The following LIPE variants were observed in gnomAD, a reference collection of about 807,000 sequenced individuals.
LIPE encodes the protein hormone-sensitive lipase.
LIPE carries 66 observed loss-of-function variants against 88.5 expected under a neutral mutation model. The ratio of observed to expected loss-of-function variants is 0.75; its 90% CI spans 0.61 to 0.91. The LOEUF (loss-of-function observed/expected upper bound fraction) is 0.91, where lower values mean the gene tolerates loss of function less well. Ranked by LOEUF, LIPE falls within the 40% of genes least tolerant of loss-of-function variation. The pLI, the probability that LIPE is intolerant of heterozygous loss-of-function variation, is 0.00. For synonymous variants in LIPE, 570 were observed against 617.5 expected (o/e 0.92, Z 1.14); for missense variants, 1,346 against 1,434.7 (o/e 0.94, Z 1.00).
At position 42,405,485 on chromosome 19, in the gene LIPE, G is replaced by A. The variant is rs2040139845; in HGVS notation, c.2442C>T (p.Ala814=). The change falls in exon 8 of 10, where the codon GCC becomes GCT. Residue 814 remains alanine, a synonymous_variant. Transcript: ENST00000244289. ...GMMGLVRRDT[A]LLLRDFRLGA... ...CCAGGCGGAAGTCTCGGAGGAGCAG[G>A]GCTGTGTCCCGCCGCACCAGCCCCA... 1 of 1,614,120 alleles carries A rather than the reference G, an allele frequency of 6.2e-7. No individual in the cohort carries two copies. Among genetic ancestry groups the A allele is most frequent in the Non-Finnish European group, 8.5e-7 (1 of 1,180,004 alleles).
intron 7 of LIPE, chr19:42,405,825 T>C: frequency 1.8e-6 from 1 of 547,178 alleles, no homozygotes. Flanking sequence ...GTGGTAGTGG[T>C]GGTGCACGCC....
intron 8 of LIPE, among the ~76,000 whole-genome samples, chr19:42,404,210 A>T (rs1600105672): frequency 6.7e-6 from 1 of 150,270 alleles, no homozygotes; most frequent in Non-Finnish European, 1.5e-5. Flanking sequence ...GATTACAGGC[A>T]TGCCACCATG....
At position 42,402,599 on chromosome 19, in the gene LIPE, T is replaced by A; in HGVS notation, c.2967+8A>T. ...AATGCACCTGTACCGGCCCCCTCTGTCGCTCACCACGATGTGCACAGGTGG... is the reference window on the plus strand; with the variant it reads ...AATGCACCTGTACCGGCCCCCTCTGACGCTCACCACGATGTGCACAGGTGG... On this transcript the variant is annotated splice_region_variant and intron_variant, in intron 9 of 9. Transcript: ENST00000244289. 6.8e-7 allele frequency: 1 copy of A among 1,478,062 alleles called. No homozygotes were observed. The highest frequency in any genetic ancestry group is 1.5e-5 in the South Asian group (1 of 67,596). 91.6% of individuals were successfully genotyped at this position (1,478,062 alleles called of 1,614,324 possible).
At chr19:42,417,709 A>G (rs1168454429) in intron 1 of LIPE, among the ~76,000 whole-genome samples, 2 of 152,172 alleles carry the variant, frequency 1.3e-5, no homozygotes, top group Non-Finnish European at 1.5e-5. Context: ...ATAATAAAAA[A>G]TAGAAATACA....
chr19:42,416,728 C>T (rs891242209), intron 1 of LIPE, among the ~76,000 whole-genome samples: 2 of 152,182 alleles, frequency 1.3e-5, no homozygotes, highest in African/African-American at 4.8e-5. Context: ...GCATGGTTTA[C>T]TGAATATTTC....
At position 42,406,839 on chromosome 19, in the gene LIPE, C is replaced by T. The variant is rs990281055; in HGVS notation, c.2137+335G>A. The stretch of plus-strand genomic sequence containing the variant: ...AGTGTCCTCCCAAGATGTTGATCTT[C>T]GAAGAGGGAGGTCAGAGAAGCTGGA... On this transcript the variant is annotated intron_variant, in intron 6 of 9. Coordinates refer to ENST00000244289, the MANE Select transcript of LIPE (RefSeq NM_005357.4). The surrounding 1 kb of genome is among the most constrained non-coding windows in gnomAD (Gnocchi z 5.7). Among the ~76,000 whole-genome samples, 2 of 152,104 alleles carry T rather than the reference C, an allele frequency of 1.3e-5. No individual in the cohort carries two copies. Among genetic ancestry groups the T allele is most frequent in the Admixed American group, 6.5e-5 (1 of 15,272 alleles).
At position 42,402,782 on chromosome 19, in the gene LIPE, A is replaced by C; in HGVS notation, c.2792T>G (p.Met931Arg). 6.2e-7 allele frequency: 1 copy of C among 1,608,726 alleles called. No individual in the cohort carries two copies. The highest frequency in any genetic ancestry group is 8.5e-7 in the Non-Finnish European group (1 of 1,175,990). Residue 931 changes from methionine to arginine, a missense_variant, in exon 9 of 10, where the codon ATG (methionine) becomes AGG (arginine). Met to Arg is a moderately conservative substitution (Grantham distance 91). Coordinates refer to ENST00000244289, the MANE Select transcript of LIPE (RefSeq NM_005357.4). ...GGCACGGACGCCCAGGCCTCTGTCCATGGGGCTCAGCTCATTTTTGGCCTC... is the reference window on the plus strand; with the variant it reads ...GGCACGGACGCCCAGGCCTCTGTCCCTGGGGCTCAGCTCATTTTTGGCCTC... The part of the protein sequence containing the change: ...EAEAKNELSP[M>R]DRGLGVRAAF...
Position 42,410,774 on chromosome 19 carries a change from TGTCCTCCGCCAGA to T in LIPE, c.939_951del (p.Leu314ThrfsTer2). The T allele has an allele frequency of 6.2e-7, 1 of 1,609,178 alleles. No homozygotes were observed. The highest frequency in any genetic ancestry group is 8.5e-7 in the Non-Finnish European group (1 of 1,177,084). On this transcript the variant is annotated frameshift_variant, in exon 2 of 10. Transcript: ENST00000244289. LOFTEE classifies it high-confidence loss of function. This position sits in a 1 kb window ranked among gnomAD's most constrained non-coding sequence, Gnocchi z 6.1. ...CCCTGGCTCGAGAAGAAGGCTATGT[TGTCCTCCGCCAGA>T]GTCACCAGCGACTGTGTCATTGTGC... is the stretch of plus-strand genomic sequence containing the variant.
chr19:42,407,582 C>T lies in LIPE; in HGVS notation c.1842+24G>A. On this transcript the variant is annotated intron_variant, in intron 5 of 9. Transcript: ENST00000244289. This position sits in a 1 kb window ranked among gnomAD's most constrained non-coding sequence, Gnocchi z 5.8. ...CCACGCTCCTCGGCTCTGTCCCTGT[C>T]CCTGGCTGAGGCTGGAACCCTACCT... 1.9e-6 allele frequency: 3 copies of T among 1,593,254 alleles called. No individual in the cohort carries two copies. The highest frequency in any genetic ancestry group is 1.7e-6 in the Non-Finnish European group (2 of 1,168,300).
In LIPE at chr19:42,406,179, A is replaced by G. The variant is rs2040177000; in HGVS notation, c.2347T>C (p.Cys783Arg). Residue 783 changes from cysteine (C) to arginine (R), a missense_variant, in exon 7 of 10, where the codon TGT (cysteine) becomes CGT (arginine). Coordinates refer to ENST00000244289, the MANE Select transcript of LIPE (RefSeq NM_005357.4). The surrounding 1 kb of genome is among the most constrained non-coding windows in gnomAD (Gnocchi z 5.7). ...GCCTCACCAGCATAGGCGCTGACACACTTGGAGAGCACACTGAGGGGCAGC... is the reference window on the plus strand; with the variant it reads ...GCCTCACCAGCATAGGCGCTGACACGCTTGGAGAGCACACTGAGGGGCAGC... Reference protein sequence around the residue: ...PLLPLSVLSKCVSAYAGAKTE... With the variant: ...PLLPLSVLSKRVSAYAGAKTE... 1 of 1,611,430 alleles carries G rather than the reference A, an allele frequency of 6.2e-7. No homozygotes were observed. Among genetic ancestry groups the G allele is most frequent in the East Asian group, 2.2e-5 (1 of 44,784 alleles).
intron 1 of LIPE, among the ~76,000 whole-genome samples, chr19:42,417,875 TAAAA>T (rs1278191427): frequency 1.3e-5 from 2 of 151,000 alleles, no homozygotes; most frequent in South Asian, 2.1e-4. Context: ...AATAAAAAAA[TAAAA>T]AAACAGAAAT....
intron 1 of LIPE, among the ~76,000 whole-genome samples, chr19:42,418,140 G>A (rs891738356): frequency 6.6e-6 from 1 of 152,132 alleles, no homozygotes; most frequent in African/African-American, 2.4e-5. Flanking sequence ...CTGCCACCGC[G>A]CCTGGTTAAT....
chr19:42,423,696 C>G, intron 1 of LIPE: 2 of 1,140,462 alleles, frequency 1.8e-6, no homozygotes, highest in Non-Finnish European at 2.2e-6. Context: ...TCTCCCTCCG[C>G]TGCCGTGCTC....
At chr19:42,405,761 G>C (rs1268804373) in intron 7 of LIPE, 200 bp from the exon 8 acceptor site, 1 of 595,966 alleles carries the variant, frequency 1.7e-6, no homozygotes, top group Non-Finnish European at 2.9e-6. Flanking sequence ...CTTGAGCCCA[G>C]GAGTTCAAGA....
chr19:42,419,005 G>A (rs1045882416), intron 1 of LIPE, among the ~76,000 whole-genome samples: 7 of 152,238 alleles, frequency 4.6e-5, no homozygotes, highest in Admixed American at 2.6e-4. Context: ...GGGGCCGGGC[G>A]CCGTGGCTCA....
Position 42,410,290 on chromosome 19 carries a change from C to A in LIPE, c.1419+17G>T. On this transcript the variant is annotated intron_variant, in intron 2 of 9. Transcript: ENST00000244289. The surrounding 1 kb of genome is among the most constrained non-coding windows in gnomAD (Gnocchi z 6.1). ...CCTTCATTGTGGGCCCAGAGGGGCA[C>A]GGGGCAGGGGGCTCACCTGGAAGCC... 6.5e-7 allele frequency: 1 copy of A among 1,544,548 alleles called. No homozygotes were observed. The highest frequency in any genetic ancestry group is 1.2e-5 in the South Asian group (1 of 83,202).
intron 8 of LIPE, among the ~76,000 whole-genome samples, chr19:42,403,740 G>A (rs1165276064): frequency 6.6e-6 from 1 of 151,974 alleles, no homozygotes; most frequent in Non-Finnish European, 1.5e-5. Flanking sequence ...CTTACCACAA[G>A]GTGTAAATGG....
At chr19:42,425,574 A>T (rs568636011) in intron 1 of LIPE, among the ~76,000 whole-genome samples, 123 of 152,142 alleles carry the variant, frequency 8.1e-4, no homozygotes, top group Non-Finnish European at 1.0e-3. Context: ...CACTTTGGGA[A>T]GCTGAGGTGG....
Position 42,410,660 on chromosome 19 carries a change from G to A in LIPE, c.1066C>T (p.Leu356=), listed in dbSNP as rs1161675893. Residue 356 remains leucine (L), a synonymous_variant, in exon 2 of 10, where the codon CTG becomes TTG. Transcript: ENST00000244289. This position sits in a 1 kb window ranked among gnomAD's most constrained non-coding sequence, Gnocchi z 6.1. ...LGLEPALGRL[L]GVAHLFDLDP... ...AGGTCAAAGAGGTGCGCCACACCCA[G>A]CAGGCGGCCCAGGGCCGGCTCCAGC... is the stretch of plus-strand genomic sequence containing the variant. The A allele has an allele frequency of 6.2e-7, 1 of 1,612,502 alleles. No homozygotes were observed. The highest frequency in any genetic ancestry group is 1.7e-5 in the Admixed American group (1 of 59,930).
Sources: gnomAD v4.1 joint callset for allele counts (sites outside exome capture counted in the v4.1 genomes callset) on GRCh38, gnomAD v4.1.1 for gene constraint, Gnocchi (gnomAD v3.1) non-coding constraint, MANE v1.5 for transcripts, NCBI Gene and HGNC (gene_info 2026-07-23, HGNC 2026-07-21) for gene names.